Variants in PDCD7 observed in about 807,000 individuals in gnomAD.
The protein encoded by PDCD7 is programmed cell death protein 7.
Under a neutral mutation model 42.1 loss-of-function variants are expected in PDCD7, and 40 were observed. The ratio of observed to expected loss-of-function variants is 0.95; its 90% confidence interval spans 0.74 to 1.24. The LOEUF (loss-of-function observed/expected upper bound fraction) is 1.24, where lower values mean the gene tolerates loss of function less well. Ranked by LOEUF, PDCD7 falls within the 50% of genes most tolerant of loss-of-function variation. The pLI, the probability that PDCD7 is intolerant of heterozygous loss-of-function variation, is 0.00. For missense variants in PDCD7, 644 were observed against 662.8 expected, an observed-to-expected ratio of 0.97 and a Z score of 0.31; for synonymous variants, 299 against 303.3, an observed-to-expected ratio of 0.99 and a Z score of 0.15.
rs764838133 is a variant in PDCD7 at position 65,132,942 on chromosome 15, C to T, written c.840G>A (p.Lys280=). Residue 280 remains lysine, a synonymous_variant, in exon 1 of 5, where the codon AAG becomes AAA. Transcript: ENST00000204549. ...TCTTCTCCTCCACCTCCTGCACACACTTCACCCTCCAGCGGTCAATCTCCT... is the reference window on the plus strand; with the variant it reads ...TCTTCTCCTCCACCTCCTGCACACATTTCACCCTCCAGCGGTCAATCTCCT... ...REQEIDRWRV[K]CVQEVEEKKR... is the part of the protein sequence containing the mutation. The T allele has an allele frequency of 6.2e-7, 1 of 1,606,080 alleles. No individual in the cohort carries two copies. Among genetic ancestry groups the T allele is most frequent in the South Asian group, 1.1e-5 (1 of 91,088 alleles).
rs1211534404 is a variant in PDCD7, at chr15:65,133,677, C to CG, written c.104dup (p.Ala36GlyfsTer89). 3 of 1,268,138 alleles carry CG rather than the reference C, an allele frequency of 2.4e-6. No individual in the cohort carries two copies. The highest frequency in any genetic ancestry group is 3.1e-5 in the African/African-American group (2 of 64,570). 78.6% of individuals were successfully genotyped at this position (1,268,138 alleles called of 1,614,324 possible). A position where few individuals can be genotyped will look rare whatever the true frequency, so the allele number is the denominator to read the frequency against. On this transcript the variant is annotated frameshift_variant, in exon 1 of 5. Coordinates refer to ENST00000204549, the MANE Select transcript of PDCD7 (RefSeq NM_005707.2). LOFTEE classifies it high-confidence loss of function. ...GCTGGGGGAGAGGCGGCGGGAAAGC[C>CG]GGGGAGGGCAGCGGCGGTGGCGGAC...
chr15:65,131,567 G>A (rs1466108701), intron 1 of PDCD7, among the ~76,000 whole-genome samples: 1 of 152,002 alleles, frequency 6.6e-6, no homozygotes, highest in African/African-American at 2.4e-5. Context: ...TGACCAACAT[G>A]GAGAAACCCT....
At chr15:65,127,752 T>A (rs1170841091) in intron 2 of PDCD7, among the ~76,000 whole-genome samples, 1 of 152,216 alleles carries the variant, frequency 6.6e-6, no homozygotes, top group Non-Finnish European at 1.5e-5. Context: ...AATTTCCTCC[T>A]CCTTTTGGAC....
intron 2 of PDCD7, among the ~76,000 whole-genome samples, chr15:65,127,414 G>A (rs984301430): frequency 1.2e-4 from 17 of 143,134 alleles, no homozygotes; most frequent in Non-Finnish European, 2.5e-4. Context: ...CCGAGATTGC[G>A]CCACTGCAGT....
intron 1 of PDCD7, among the ~76,000 whole-genome samples, chr15:65,131,786 C>T (rs2087541914): frequency 6.6e-6 from 1 of 152,010 alleles, no homozygotes; most frequent in African/African-American, 2.4e-5. Context: ...AGAAAACCAT[C>T]TGAACAATTT....
In PDCD7 at chr15:65,130,032, C is replaced by T. The variant is rs143516207; in HGVS notation, c.871-862G>A. On this transcript the variant is annotated intron_variant, in intron 1 of 4. Transcript: ENST00000204549. Reference sequence around the variant, plus strand: ...CAGTTAATTGTGTTTTTTGTAGAGACGAGGTTTCTCCATGTTGCCCAGGCT... The same window carrying T: ...CAGTTAATTGTGTTTTTTGTAGAGATGAGGTTTCTCCATGTTGCCCAGGCT... 1.2e-3 allele frequency among the ~76,000 whole-genome samples: 179 copies of T among 145,804 alleles called. 1 individual carries two copies. The highest frequency in any genetic ancestry group is 3.6e-3 in the African/African-American group (141 of 39,338).
chr15:65,125,968 C>T (rs1356286415), intron 2 of PDCD7, among the ~76,000 whole-genome samples: 1 of 152,170 alleles, frequency 6.6e-6, no homozygotes, highest in Non-Finnish European at 1.5e-5. Flanking sequence ...GGAAACTCTC[C>T]TTTATAAATC....
chr15:65,132,932 C>T lies in PDCD7; in HGVS notation c.850G>A (p.Glu284Lys). Reference sequence around the variant, plus strand: ...CTCACCCGCTTCTTCTCCTCCACCTCCTGCACACACTTCACCCTCCAGCGG... The same window carrying T: ...CTCACCCGCTTCTTCTCCTCCACCTTCTGCACACACTTCACCCTCCAGCGG... The part of the protein sequence containing the change: ...IDRWRVKCVQ[E>K]VEEKKREQEL... The change falls in exon 1 of 5, where the codon GAG becomes AAG. Residue 284 changes from glutamate (E) to lysine (K), a missense_variant. Physicochemically the swap from Glu to Lys is moderately conservative, Grantham distance 56. Coordinates refer to ENST00000204549, the MANE Select transcript of PDCD7 (RefSeq NM_005707.2). 3 of 1,605,506 alleles carry T rather than the reference C, an allele frequency of 1.9e-6. No individual in the cohort carries two copies. Among genetic ancestry groups the T allele is most frequent in the Non-Finnish European group, 2.5e-6 (3 of 1,179,860 alleles).
intron 2 of PDCD7, among the ~76,000 whole-genome samples, chr15:65,123,178 C>T (rs950588254): frequency 6.6e-6 from 1 of 152,142 alleles, no homozygotes; most frequent in Non-Finnish European, 1.5e-5. Context: ...GAATGATTTT[C>T]AACAAGGTTT....
chr15:65,128,951 C>G lies in PDCD7; in HGVS notation c.1009+81G>C, dbSNP rs534188930. The G allele has an allele frequency of 7.4e-6, 11 of 1,476,790 alleles. No individual in the cohort carries two copies. In the South Asian group the frequency reaches 1.4e-4, roughly 18 times the overall value. 91.5% of individuals were successfully genotyped at this position (1,476,790 alleles called of 1,614,324 possible). A position where few individuals can be genotyped will look rare whatever the true frequency, so the allele number is the denominator to read the frequency against. Reference sequence around the variant, plus strand: ...AAATCATGAAGTTTCAAGTATTTTTCCCTCAATAATATTTGGGGTGGGAGG... The same window carrying G: ...AAATCATGAAGTTTCAAGTATTTTTGCCTCAATAATATTTGGGGTGGGAGG... On this transcript the variant is annotated intron_variant, in intron 2 of 4. Coordinates refer to ENST00000204549, the MANE Select transcript of PDCD7 (RefSeq NM_005707.2).
rs1198439343 is a variant in PDCD7 at position 65,133,031 on chromosome 15, C to T, written c.751G>A (p.Glu251Lys). Residue 251 changes from glutamate (E) to lysine (K), a missense_variant, in exon 1 of 5, where the codon GAG becomes AAG. By Grantham distance (56) the Glu-to-Lys change is moderately conservative. Transcript: ENST00000204549. ...TCGGCCTCGCGTTCCCGGGCCCTCT[C>T]GCGAAGCCGCAGCCGGCGGCGCCGG... The part of the protein sequence containing the change: ...RVRRRRLRLR[E>K]RAREREAERE... 2.5e-6 allele frequency: 4 copies of T among 1,596,896 alleles called. No individual in the cohort carries two copies. The highest frequency in any genetic ancestry group is 3.4e-6 in the Non-Finnish European group (4 of 1,177,158).
At chr15:65,132,791 A>G in intron 1 of PDCD7, 121 bp downstream of exon 1, 3 of 1,436,934 alleles carry the variant, frequency 2.1e-6, no homozygotes, top group Non-Finnish European at 2.8e-6. Context: ...AAGGTTAGCT[A>G]TCGCTTCATT....
At chr15:65,123,462 A>AGGCATGAGCCACC (rs1595927262) in intron 2 of PDCD7, among the ~76,000 whole-genome samples, 2 of 152,244 alleles carry the variant, frequency 1.3e-5, no homozygotes, top group Non-Finnish European at 2.9e-5. Flanking sequence ...CTGGGATTAC[A>AGGCATGAGCCACC]GGCATGAGCC....
At chr15:65,127,029 G>A (rs565522173) in intron 2 of PDCD7, among the ~76,000 whole-genome samples, 2 of 152,038 alleles carry the variant, frequency 1.3e-5, no homozygotes, top group East Asian at 1.9e-4. Flanking sequence ...ACACACTGAC[G>A]TCACTCAGCT....
chr15:65,129,089 T>C lies in PDCD7; in HGVS notation c.952A>G (p.Ile318Val), dbSNP rs951400219. Residue 318 changes from isoleucine (I) to valine (V), a missense_variant, in exon 2 of 5, where the codon ATT becomes GTT. By Grantham distance (29) the Ile-to-Val change is conservative (BLOSUM62 3). Transcript: ENST00000204549. ...KQADTKRMVDILRALEKLRKL... is the reference protein window; with the variant it reads ...KQADTKRMVDVLRALEKLRKL... ...CTCAATTTCTCCAAAGCCCGTAGAATGTCCACCATTCTTTTGGTATCTGCT... is the reference window on the plus strand; with the variant it reads ...CTCAATTTCTCCAAAGCCCGTAGAACGTCCACCATTCTTTTGGTATCTGCT... The C allele has an allele frequency of 2.5e-6, 4 of 1,613,978 alleles. No homozygotes were observed. In the African/African-American group the frequency reaches 4.0e-5, roughly 16 times the overall value.
intron 1 of PDCD7, among the ~76,000 whole-genome samples, chr15:65,129,762 C>T (rs1240839694): frequency 6.6e-6 from 1 of 152,060 alleles, no homozygotes; most frequent in Non-Finnish European, 1.5e-5. Context: ...CACCAATATC[C>T]TCACCATGGA....
intron 2 of PDCD7, among the ~76,000 whole-genome samples, chr15:65,126,628 C>CCTGTAG: frequency 6.6e-6 from 1 of 152,090 alleles, no homozygotes; most frequent in South Asian, 2.1e-4. Context: ...GTGGTGTGCA[C>CCTGTAG]CTGTAGTCTC....
intron 1 of PDCD7, among the ~76,000 whole-genome samples, chr15:65,130,517 G>A (rs1043626224): frequency 6.6e-6 from 1 of 152,144 alleles, no homozygotes; most frequent in African/African-American, 2.4e-5. Context: ...ATGGGTGGTG[G>A]AGAGAATCCT....
intron 2 of PDCD7, among the ~76,000 whole-genome samples, chr15:65,126,827 T>C (rs2087500176): frequency 6.6e-6 from 1 of 151,794 alleles, no homozygotes; most frequent in African/African-American, 2.4e-5. Context: ...CTGGAAGACA[T>C]TTCATTGTTT....
Sources: gnomAD v4.1 joint callset for allele counts (sites outside exome capture counted in the v4.1 genomes callset) on GRCh38, gnomAD v4.1.1 for gene constraint, MANE v1.5 for transcripts, NCBI Gene and HGNC (gene_info 2026-07-23, HGNC 2026-07-21) for gene names.